SORCS1: variants seen among roughly 807,000 people sequenced by gnomAD.
The protein encoded by SORCS1 is VPS10 domain-containing receptor SorCS1.
Under a neutral mutation model 146.1 loss-of-function variants are expected in SORCS1, and 60 were observed. The ratio of observed to expected loss-of-function variants is 0.41; its 90% CI spans 0.33 to 0.51. The LOEUF (loss-of-function observed/expected upper bound fraction) is 0.51, where lower values mean the gene tolerates loss of function less well. Ranked by LOEUF, SORCS1 falls within the 20% of genes least tolerant of loss-of-function variation. The pLI, the probability that SORCS1 is intolerant of heterozygous loss-of-function variation, is 0.21. For missense variants in SORCS1, 1,352 were observed against 1,487.6 expected, an observed-to-expected ratio of 0.91 and a Z score of 1.50; for synonymous variants, 637 against 584.0, an observed-to-expected ratio of 1.09 and a Z score of -1.31.
intron 5 of SORCS1, among the ~76,000 whole-genome samples, chr10:106,753,730 G>A (rs1681699178): frequency 6.6e-6 from 1 of 151,862 alleles, no homozygotes; most frequent in Non-Finnish European, 1.5e-5. Flanking sequence ...AGGCCCAGTG[G>A]ATATGGATAA....
chr10:106,840,929 C>T (rs1949006659), intron 2 of SORCS1, among the ~76,000 whole-genome samples: 1 of 149,558 alleles, frequency 6.7e-6, no homozygotes, highest in Non-Finnish European at 1.5e-5. Context: ...GATCTTGGCT[C>T]ACTGCAACCT....
chr10:106,825,121 C>T (rs777176761), intron 3 of SORCS1, among the ~76,000 whole-genome samples: 2 of 151,994 alleles, frequency 1.3e-5, no homozygotes, highest in African/African-American at 2.4e-5. Flanking sequence ...AGATGTTACA[C>T]GATCCTTGTG....
At chr10:106,901,769 C>T (rs1040613484) in intron 2 of SORCS1, among the ~76,000 whole-genome samples, 8 of 152,238 alleles carry the variant, frequency 5.3e-5, no homozygotes, top group East Asian at 3.9e-4. Flanking sequence ...ACTGGCCGGG[C>T]GAGGTGGCTC....
At chr10:107,091,267 C>T (rs1964162588) in intron 1 of SORCS1, among the ~76,000 whole-genome samples, 1 of 152,242 alleles carries the variant, frequency 6.6e-6, no homozygotes, top group Admixed American at 6.5e-5. Flanking sequence ...CCATAATCCT[C>T]ACCACCTGCT....
intron 1 of SORCS1, among the ~76,000 whole-genome samples, chr10:107,064,766 A>G (rs988369226): frequency 5.3e-5 from 8 of 152,318 alleles, no homozygotes; most frequent in African/African-American, 1.7e-4. Flanking sequence ...TTTATTATAC[A>G]TGCCTACTAG....
chr10:107,174,621 AT>A, the SORCS1 span, among the ~76,000 whole-genome samples: 1 of 152,144 alleles, frequency 6.6e-6, no homozygotes, highest in Admixed American at 6.5e-5. Flanking sequence ...AACAAAATTA[AT>A]TTTATATTGA....
At chr10:106,645,750 A>G (rs1164883781) in intron 18 of SORCS1, among the ~76,000 whole-genome samples, 1 of 152,062 alleles carries the variant, frequency 6.6e-6, no homozygotes, top group African/African-American at 2.4e-5. Flanking sequence ...AATAAAAAAC[A>G]TAACAAAATA....
intron 2 of SORCS1, among the ~76,000 whole-genome samples, chr10:106,891,463 A>T (rs1400571598): frequency 6.8e-6 from 1 of 147,590 alleles, no homozygotes; most frequent in Admixed American, 6.8e-5. Context: ...CTCTTGACCT[A>T]TGTCAAGACA....
At chr10:106,783,620 G>A (rs1163773534) in intron 3 of SORCS1, among the ~76,000 whole-genome samples, 1 of 152,094 alleles carries the variant, frequency 6.6e-6, no homozygotes, top group Non-Finnish European at 1.5e-5. Flanking sequence ...GAGAATTCCA[G>A]TAACAAGTGT....
chr10:106,772,922 A>T (rs1386716828), intron 4 of SORCS1, among the ~76,000 whole-genome samples: 1 of 152,150 alleles, frequency 6.6e-6, no homozygotes, highest in Non-Finnish European at 1.5e-5. Flanking sequence ...TAAAAGTCAC[A>T]TGCACTGAAG....
intron 1 of SORCS1, among the ~76,000 whole-genome samples, chr10:107,148,817 T>C (rs1451867287): frequency 6.6e-6 from 1 of 152,178 alleles, no homozygotes; most frequent in Non-Finnish European, 1.5e-5. Context: ...CTTAGGTGAT[T>C]GGAAGGGAGC....
chr10:106,892,115 CAT>C (rs373992813), intron 2 of SORCS1, among the ~76,000 whole-genome samples: 178 of 152,324 alleles, frequency 1.2e-3, no homozygotes, highest in Middle Eastern at 3.4e-3. Context: ...TTATAACCTA[CAT>C]GAGTTTGCTA....
At chr10:106,919,858 A>G (rs1452590911) in intron 2 of SORCS1, among the ~76,000 whole-genome samples, 1 of 152,218 alleles carries the variant, frequency 6.6e-6, no homozygotes, top group Non-Finnish European at 1.5e-5. Flanking sequence ...TATAGTGCCC[A>G]TTCTTAAAAG....
intron 1 of SORCS1, among the ~76,000 whole-genome samples, chr10:107,078,294 G>C (rs568556307): frequency 1.3e-5 from 2 of 152,062 alleles, no homozygotes; most frequent in South Asian, 2.1e-4. Context: ...AAGTGTTTGG[G>C]ACAAAAATAT....
rs1258537663 is a variant in SORCS1, at chr10:106,672,812, CCCAACACCA to C, written c.2058+47_2058+55del. 49 of 1,473,338 alleles carry C rather than the reference CCCAACACCA, an allele frequency of 3.3e-5. No individual in the cohort carries two copies. In the East Asian group the frequency reaches 9.7e-4, roughly 29 times the overall value. The allele number at this position is 1,473,338 out of a possible 1,614,324, so 91.3% of individuals were successfully genotyped here. A position where few individuals can be genotyped will look rare whatever the true frequency, so the allele number is the denominator to read the frequency against. ...CCTATACCTTAGCAACTAGCTTTCC[CCCAACACCA>C]CTCATGCTTCCTGCCCAGGCCTTAG... is the stretch of plus-strand genomic sequence containing the variant. On this transcript the variant is annotated intron_variant, in intron 15 of 25. Coordinates refer to ENST00000263054, the MANE Select transcript of SORCS1 (RefSeq NM_052918.5).
chr10:106,819,056 T>C (rs536226549), intron 3 of SORCS1, among the ~76,000 whole-genome samples: 1 of 152,348 alleles, frequency 6.6e-6, no homozygotes, highest in Admixed American at 6.5e-5. Context: ...AGGCATTTAA[T>C]ACCTTCTGGT....
chr10:106,633,249 T>C (rs1848539856), intron 18 of SORCS1, among the ~76,000 whole-genome samples: 1 of 152,212 alleles, frequency 6.6e-6, no homozygotes, highest in South Asian at 2.1e-4. Context: ...ATATATAATA[T>C]GTAGTGATAA....
At chr10:106,680,228 A>C (rs1427810239) in intron 10 of SORCS1, among the ~76,000 whole-genome samples, 1 of 152,224 alleles carries the variant, frequency 6.6e-6, no homozygotes, top group African/African-American at 2.4e-5. Flanking sequence ...GAATATTTCA[A>C]GCCTGAGTAA....
At chr10:106,970,963 T>G (rs1955757411) in intron 1 of SORCS1, among the ~76,000 whole-genome samples, 1 of 143,590 alleles carries the variant, frequency 7.0e-6, no homozygotes, top group African/African-American at 2.6e-5. Context: ...TTGGCCAGGG[T>G]CATCTCAAAC....
Sources: allele counts gnomAD v4.1 joint callset (sites outside exome capture counted in the v4.1 genomes callset), GRCh38; gene constraint gnomAD v4.1.1; transcripts MANE v1.5; gene names NCBI Gene and HGNC (gene_info 2026-07-23, HGNC 2026-07-21).